Variants in ZNF521 observed in about 807,000 individuals in gnomAD.
ZNF521 encodes LYST-interacting protein 3.
ZNF521 carries 14 observed loss-of-function variants against 105.5 expected under a neutral mutation model. That is an observed-to-expected ratio of 0.13 (90% CI 0.09 to 0.21). The LOEUF is 0.21. Among genes scored for constraint, ZNF521 ranks in the 10% least tolerant of loss-of-function variants. The pLI is 1.00. For synonymous variants in ZNF521, 635 were observed against 606.0 expected (o/e 1.05, Z -0.70); for missense variants, 1,233 against 1,629.7 (o/e 0.76, Z 4.19).
Position 25,226,700 on chromosome 18 carries a change from G to T in ZNF521, c.1218C>A (p.Ser406Arg). Reference protein sequence around the residue: ...PSSKQAKVTYSCIYCNKQLFS... With the variant: ...PSSKQAKVTYRCIYCNKQLFS... Reference sequence around the variant, plus strand: ...ATAATTGTTTGTTGCAGTAAATACAGCTGTAGGTAACTTTTGCTTGTTTAC... The same window carrying T: ...ATAATTGTTTGTTGCAGTAAATACATCTGTAGGTAACTTTTGCTTGTTTAC... The change falls in exon 4 of 8, where the codon AGC (serine) becomes AGA (arginine). Residue 406 changes from serine to arginine, a missense_variant. By Grantham distance (110) the Ser-to-Arg change is moderately radical. Coordinates refer to ENST00000361524, the MANE Select transcript of ZNF521 (RefSeq NM_015461.3). This position sits in a 1 kb window ranked among gnomAD's most constrained non-coding sequence, Gnocchi z 4.1. The T allele has an allele frequency of 6.2e-7, 1 of 1,614,178 alleles. No homozygotes were observed. The highest frequency in any genetic ancestry group is 8.5e-7 in the Non-Finnish European group (1 of 1,180,036).
intron 5 of ZNF521, among the ~76,000 whole-genome samples, chr18:25,102,608 G>A (rs2144262967): frequency 6.6e-6 from 1 of 152,104 alleles, no homozygotes; most frequent in South Asian, 2.1e-4. Context: ...GCTCCCTGCA[G>A]CCTCAAGCTC....
At chr18:25,342,407 T>TG (rs1914246983) in intron 2 of ZNF521, among the ~76,000 whole-genome samples, 5 of 108,392 alleles carry the variant, frequency 4.6e-5, no homozygotes, top group African/African-American at 1.4e-4. Flanking sequence ...TTCTTTCCTT[T>TG]GTTTTTTTTT....
intron 2 of ZNF521, among the ~76,000 whole-genome samples, chr18:25,345,571 C>T (rs1324820643): frequency 6.6e-6 from 1 of 152,156 alleles, no homozygotes; most frequent in Non-Finnish European, 1.5e-5. Context: ...TTTGTGTGCC[C>T]TCACTTTAGG....
At chr18:25,176,012 G>A (rs1188695823) in intron 5 of ZNF521, among the ~76,000 whole-genome samples, 1 of 152,196 alleles carries the variant, frequency 6.6e-6, no homozygotes, top group Non-Finnish European at 1.5e-5. Flanking sequence ...CCACAGCACA[G>A]CTCAGTTTTA....
intron 3 of ZNF521, among the ~76,000 whole-genome samples, chr18:25,260,300 G>T (rs1474385286): frequency 6.6e-6 from 1 of 152,118 alleles, no homozygotes; most frequent in Non-Finnish European, 1.5e-5. Flanking sequence ...CCTCTCCTAA[G>T]GTTGGCCAGA....
intron 4 of ZNF521, chr18:25,200,940 G>C (rs2035981193): frequency 6.6e-6 from 1 of 151,724 alleles, no homozygotes; most frequent in African/African-American, 2.4e-5. Context: ...GTCTTTGTCA[G>C]ACTGTTCAAA....
At chr18:25,314,287 C>T (rs1416341391) in intron 3 of ZNF521, among the ~76,000 whole-genome samples, 2 of 152,134 alleles carry the variant, frequency 1.3e-5, no homozygotes, top group Admixed American at 6.5e-5. Context: ...CCACTGCCAA[C>T]AGAACTAGCT....
At chr18:25,211,867 T>C (rs1455190621) in intron 4 of ZNF521, among the ~76,000 whole-genome samples, 1 of 152,254 alleles carries the variant, frequency 6.6e-6, no homozygotes, top group Non-Finnish European at 1.5e-5. Context: ...CATCTGTCTT[T>C]AAACCACTAA....
At chr18:25,330,863 G>A (rs913443977) in intron 2 of ZNF521, among the ~76,000 whole-genome samples, 3 of 152,136 alleles carry the variant, frequency 2.0e-5, no homozygotes, top group South Asian at 2.1e-4. Context: ...CAAAGAATGC[G>A]ACAGAGCAGC....
intron 3 of ZNF521, among the ~76,000 whole-genome samples, chr18:25,277,815 G>A (rs751894689): frequency 3.3e-5 from 5 of 152,148 alleles, no homozygotes; most frequent in Admixed American, 3.3e-4. Context: ...CAAAGATGAT[G>A]AGGCCTTAAG....
rs368644123 is a variant in ZNF521 at position 25,226,328 on chromosome 18, C to G, written c.1590G>C (p.Glu530Asp). 1.4e-5 allele frequency: 23 copies of G among 1,614,074 alleles called. No homozygotes were observed. The highest frequency in any genetic ancestry group is 2.7e-5 in the African/African-American group (2 of 74,924). The stretch of plus-strand genomic sequence containing the variant: ...GGTCACAATGAACCTGTCTAATATG[C>G]TCTTCCAGGGAAGAGTCAGTGAGAA... The part of the protein sequence containing the change: ...MGFLTDSSLE[E>D]HIRQVHCDLS... Residue 530 changes from glutamate to aspartate, a missense_variant, in exon 4 of 8, where the codon GAG (glutamate) becomes GAC (aspartate). This residue lies in a region of ZNF521 where 380 missense variants were observed against 478.0 expected (regional missense o/e 0.80). Transcript: ENST00000361524. This position sits in a 1 kb window ranked among gnomAD's most constrained non-coding sequence, Gnocchi z 4.1.
At chr18:25,088,188 T>G (rs1303924189) in intron 7 of ZNF521, among the ~76,000 whole-genome samples, 1 of 152,062 alleles carries the variant, frequency 6.6e-6, no homozygotes, top group East Asian at 1.9e-4. Context: ...ATAATAATAC[T>G]CATAATAACA....
intron 3 of ZNF521, among the ~76,000 whole-genome samples, chr18:25,294,789 A>G (rs530580370): frequency 2.5e-4 from 34 of 138,310 alleles, no homozygotes; most frequent in African/African-American, 9.0e-4. Flanking sequence ...CAGGAGGCGG[A>G]GACAGCAGTG....
At chr18:25,304,732 C>T (rs1355683390) in intron 3 of ZNF521, among the ~76,000 whole-genome samples, 1 of 152,200 alleles carries the variant, frequency 6.6e-6, no homozygotes, top group Non-Finnish European at 1.5e-5. Flanking sequence ...AAGACCTCTC[C>T]TATCAGCTCC....
chr18:25,143,092 T>G (rs2034879756), intron 5 of ZNF521, among the ~76,000 whole-genome samples: 1 of 152,176 alleles, frequency 6.6e-6, no homozygotes, highest in Non-Finnish European at 1.5e-5. Flanking sequence ...CATCTGATGC[T>G]CCGCAAAACT....
At chr18:25,307,211 C>A (rs1489014220) in intron 3 of ZNF521, among the ~76,000 whole-genome samples, 1 of 152,182 alleles carries the variant, frequency 6.6e-6, no homozygotes, top group South Asian at 2.1e-4. Flanking sequence ...TATCTCAAAT[C>A]CTTTCCCCAC....
At chr18:25,150,881 TTTC>T (rs1400180534) in intron 5 of ZNF521, among the ~76,000 whole-genome samples, 4 of 140,700 alleles carry the variant, frequency 2.8e-5, no homozygotes, top group Non-Finnish European at 6.4e-5. Context: ...GCTCTTTTTT[TTTC>T]TTTTTTCTTT....
At chr18:25,266,948 T>G (rs920857812) in intron 3 of ZNF521, among the ~76,000 whole-genome samples, 2 of 152,170 alleles carry the variant, frequency 1.3e-5, no homozygotes, top group African/African-American at 4.8e-5. Flanking sequence ...CCCTGGAAAG[T>G]GGGCTGAAGC....
At chr18:25,103,956 A>G (rs1162776851) in intron 5 of ZNF521, among the ~76,000 whole-genome samples, 2 of 152,102 alleles carry the variant, frequency 1.3e-5, no homozygotes, top group Admixed American at 6.6e-5. Context: ...TATGTCAAAA[A>G]CCAAAGCTAA....
Sources: gnomAD v4.1 joint callset for allele counts (sites outside exome capture counted in the v4.1 genomes callset) on GRCh38, gnomAD v4.1.1 for gene constraint, gnomAD v4.1.1 regional missense constraint, Gnocchi (gnomAD v3.1) non-coding constraint, MANE v1.5 for transcripts, NCBI Gene and HGNC (gene_info 2026-07-23, HGNC 2026-07-21) for gene names.